DDX23: variants seen among roughly 807,000 people sequenced by gnomAD.
The protein encoded by DDX23 is probable ATP-dependent RNA helicase DDX23.
Under a neutral mutation model 102.7 loss-of-function variants are expected in DDX23, and 33 were observed. That is an observed-to-expected ratio of 0.32 (90% CI 0.24 to 0.43). The LOEUF (loss-of-function observed/expected upper bound fraction) is 0.43. DDX23 is among the 20% of genes least tolerant of loss of function. The pLI is 1.00. For synonymous variants in DDX23, 352 were observed against 376.0 expected, an observed-to-expected ratio of 0.94 and a Z score of 0.74; for missense variants, 549 against 1,086.6, an observed-to-expected ratio of 0.51 and a Z score of 6.96.
chr12:48,834,365 G>C lies in DDX23; in HGVS notation c.1515C>G (p.Gly505=), dbSNP rs774603503. ...TGAAGCCCTGGTCTTCTCTGGAGAT[G>C]CCACCAATGACAGCCACAGTGCGGA... ...LGIRTVAVIG[G]ISREDQGFRL... is the part of the protein sequence containing the mutation. Residue 505 remains glycine, a synonymous_variant, in exon 12 of 17, where the codon GGC becomes GGG. Coordinates refer to ENST00000308025, the MANE Select transcript of DDX23 (RefSeq NM_004818.3). 6.2e-7 allele frequency: 1 copy of C among 1,614,128 alleles called. No homozygotes were observed.
intron 5 of DDX23, among the ~76,000 whole-genome samples, chr12:48,838,894 G>A (rs1938503619): frequency 6.6e-6 from 1 of 151,948 alleles, no homozygotes; most frequent in Non-Finnish European, 1.5e-5. Context: ...TATATTTTTT[G>A]AGACAGACTC....
intron 11 of DDX23, 67 bp from the exon 12 acceptor site, chr12:48,834,564 A>G: frequency 6.8e-7 from 1 of 1,481,208 alleles, no homozygotes; most frequent in Non-Finnish European, 9.2e-7. Context: ...AGCCAGAGCA[A>G]GACAAAGTCA....
chr12:48,845,512 AGAAG>A lies in DDX23; in HGVS notation c.209+58_209+61del, dbSNP rs1223388355. On this transcript the variant is annotated intron_variant, in intron 2 of 16. Coordinates refer to ENST00000308025, the MANE Select transcript of DDX23 (RefSeq NM_004818.3). Reference sequence around the variant, plus strand: ...AATACTGGAGGCATCAGAAGAACCAAGAAGGAAGAAATCTGAAACGTACTCTCCC... The same window carrying A: ...AATACTGGAGGCATCAGAAGAACCAAGAAGAAATCTGAAACGTACTCTCCC... 5 of 1,584,872 alleles carry A rather than the reference AGAAG, an allele frequency of 3.2e-6. No homozygotes were observed. The African/African-American group carries it at 6.7e-5, about 21-fold the overall frequency.
chr12:48,845,446 G>A (rs75812246), intron 2 of DDX23, 128 bp downstream of exon 2: 23,605 of 1,071,334 alleles, frequency 0.022, 333 homozygotes, highest in Non-Finnish European at 0.027. Flanking sequence ...CAAACAGAGC[G>A]AGACTCTGTC....
intron 2 of DDX23, among the ~76,000 whole-genome samples, chr12:48,844,644 T>A (rs1378102817): frequency 2.0e-5 from 3 of 150,952 alleles, no homozygotes; most frequent in South Asian, 2.1e-4. Context: ...TTTTTTTTTT[T>A]TTATTTTTAG....
Position 48,845,792 on chromosome 12 carries a change from G to C in DDX23, c.1-10C>G. 4 of 1,613,402 alleles carry C rather than the reference G, an allele frequency of 2.5e-6. No individual in the cohort carries two copies. The highest frequency in any genetic ancestry group is 3.4e-6 in the Non-Finnish European group (4 of 1,179,674). On this transcript the variant is annotated splice_polypyrimidine_tract_variant and intron_variant, in intron 1 of 16. Coordinates refer to ENST00000308025, the MANE Select transcript of DDX23 (RefSeq NM_004818.3). The stretch of plus-strand genomic sequence containing the variant: ...CCAGCTCTCCTGCCATCTGTAATGA[G>C]TAGGAAGAGTACTTACAATGTACTA...
intron 1 of DDX23, among the ~76,000 whole-genome samples, chr12:48,846,365 C>G (rs1238630787): frequency 6.6e-6 from 1 of 152,316 alleles, no homozygotes; most frequent in East Asian, 1.9e-4. Context: ...AGTGTATGAA[C>G]AGTGTACCAA....
In DDX23 at chr12:48,843,920, CCT is replaced by C. The variant is rs777597700; in HGVS notation, c.320+18_320+19del. On this transcript the variant is annotated intron_variant, in intron 3 of 16. Transcript: ENST00000308025. ...AAATGGGAGCATTCCCCTAAAGCCC[CCT>C]CTCATTCCTTCATGTACCTGGATCG... The C allele has an allele frequency of 3.4e-5, 54 of 1,610,936 alleles. No homozygotes were observed. In the South Asian group the frequency reaches 5.6e-4, roughly 17 times the overall value.
chr12:48,845,866 C>T (rs1234242597), intron 1 of DDX23, 84 bp from the exon 2 acceptor site: 51 of 1,389,728 alleles, frequency 3.7e-5, no homozygotes, highest in Non-Finnish European at 4.7e-5. Context: ...CTCAAAACAA[C>T]CCTATGAGGT....
intron 3 of DDX23, 112 bp from the exon 4 acceptor site, chr12:48,840,218 C>T (rs1383870814): frequency 6.0e-6 from 5 of 837,758 alleles, no homozygotes; most frequent in Non-Finnish European, 8.3e-6. Context: ...ACAAGACTGG[C>T]CCATGGTCAT....
Position 48,831,135 on chromosome 12 carries a change from A to T in DDX23, c.2239+7T>A. The T allele has an allele frequency of 6.2e-7, 1 of 1,614,074 alleles. No individual in the cohort carries two copies. The highest frequency in any genetic ancestry group is 8.5e-7 in the Non-Finnish European group (1 of 1,179,914). ...CCTGGATTGAAGCTGCTTTCCCTGGAACTTACCTTCAATATTTTTGGCCAT... is the reference window on the plus strand; with the variant it reads ...CCTGGATTGAAGCTGCTTTCCCTGGTACTTACCTTCAATATTTTTGGCCAT... On this transcript the variant is annotated splice_region_variant and intron_variant, in intron 16 of 16. Transcript: ENST00000308025.
At chr12:48,833,851 G>C (rs1322982391) in intron 12 of DDX23, among the ~76,000 whole-genome samples, 1 of 152,126 alleles carries the variant, frequency 6.6e-6, no homozygotes, top group East Asian at 1.9e-4. Context: ...TATGAAGGGG[G>C]TTGTATAAAG....
intron 3 of DDX23, among the ~76,000 whole-genome samples, chr12:48,840,804 C>A (rs184415922): frequency 6.6e-6 from 1 of 151,528 alleles, no homozygotes; most frequent in Non-Finnish European, 1.5e-5. Context: ...ACATCCACCT[C>A]GGCCACCCAA....
rs76866888 is a variant in DDX23 at position 48,830,989 on chromosome 12, G to T, written c.2239+153C>A. Among the ~76,000 whole-genome samples, 1 of 152,316 alleles carries T rather than the reference G, an allele frequency of 6.6e-6. No homozygotes were observed. Among genetic ancestry groups the T allele is most frequent in the East Asian group, 1.9e-4 (1 of 5,178 alleles). Reference sequence around the variant, plus strand: ...GGACAACAAACCCAGGTAAGATAAAGGACAGGAGTGCTTCTCATGGGAGCA... The same window carrying T: ...GGACAACAAACCCAGGTAAGATAAATGACAGGAGTGCTTCTCATGGGAGCA... On this transcript the variant is annotated intron_variant, in intron 16 of 16. Transcript: ENST00000308025. This position sits in a 1 kb window ranked among gnomAD's most constrained non-coding sequence, Gnocchi z 4.9.
At chr12:48,839,255 T>A (rs1162455457) in intron 5 of DDX23, among the ~76,000 whole-genome samples, 1 of 151,788 alleles carries the variant, frequency 6.6e-6, no homozygotes, top group East Asian at 1.9e-4. Flanking sequence ...AAAGAGGTGA[T>A]TAAGTTAAAA....
intron 1 of DDX23, among the ~76,000 whole-genome samples, chr12:48,846,940 TC>T (rs1336784169): frequency 3.9e-5 from 6 of 152,182 alleles, no homozygotes; most frequent in Admixed American, 2.6e-4. Flanking sequence ...CAAGCCTGAA[TC>T]TGCAACCACC....
At position 48,837,638 on chromosome 12, in the gene DDX23, T is replaced by C; in HGVS notation, c.639A>G (p.Glu213=). ...CCATCCTCTCCCTGCGTTCCCGACG[T>C]TCCCGTTCCTGAGGATCTTCTGCAG... ...RKMLEDPQER[E]RRERRERMER... Residue 213 remains glutamate, a synonymous_variant, in exon 7 of 17, where the codon GAA becomes GAG. Transcript: ENST00000308025. 1 of 1,614,088 alleles carries C rather than the reference T, an allele frequency of 6.2e-7. No homozygotes were observed. The highest frequency in any genetic ancestry group is 8.5e-7 in the Non-Finnish European group (1 of 1,180,026).
In DDX23 at chr12:48,830,849, A is replaced by T. The variant is rs546275320; in HGVS notation, c.2240-157T>A. 6.6e-6 allele frequency among the ~76,000 whole-genome samples: 1 copy of T among 152,156 alleles called. No individual in the cohort carries two copies. Among genetic ancestry groups the T allele is most frequent in the Non-Finnish European group, 1.5e-5 (1 of 68,020 alleles). ...CTGAGGCGCCCACAGTGCCCTCTCC[A>T]GGTGCCCATCTCCCCTGTCCTCCTA... On this transcript the variant is annotated intron_variant, in intron 16 of 16. Coordinates refer to ENST00000308025, the MANE Select transcript of DDX23 (RefSeq NM_004818.3). This position sits in a 1 kb window ranked among gnomAD's most constrained non-coding sequence, Gnocchi z 4.9.
chr12:48,846,424 T>G (rs549978906), intron 1 of DDX23, among the ~76,000 whole-genome samples: 1 of 152,214 alleles, frequency 6.6e-6, no homozygotes, highest in African/African-American at 2.4e-5. Flanking sequence ...TTATTAGGTC[T>G]GCCAACCCAC....
Sources: gnomAD v4.1 joint callset for allele counts (sites outside exome capture counted in the v4.1 genomes callset) on GRCh38, gnomAD v4.1.1 for gene constraint, Gnocchi (gnomAD v3.1) non-coding constraint, MANE v1.5 for transcripts, NCBI Gene and HGNC (gene_info 2026-07-23, HGNC 2026-07-21) for gene names.